The following CALM3 variants were observed in gnomAD, a reference collection of about 807,000 sequenced individuals.
CALM3 encodes the protein calmodulin 3.
CALM3 carries 5 observed loss-of-function variants against 20.1 expected under a neutral mutation model. The ratio of observed to expected loss-of-function variants is 0.25; its 90% CI spans 0.13 to 0.52. CALM3 has a LOEUF of 0.52. CALM3 is among the 20% of genes least tolerant of loss of function. CALM3 has a pLI of 0.96. For missense variants in CALM3, 57 were observed against 192.8 expected, an observed-to-expected ratio of 0.30 and a Z score of 4.17; for synonymous variants, 69 against 68.1, an observed-to-expected ratio of 1.01 and a Z score of -0.06.
Position 46,608,604 on chromosome 19 carries a change from C to T in CALM3, c.285+16C>T, listed in dbSNP as rs745946522. 2 of 1,584,952 alleles carry T rather than the reference C, an allele frequency of 1.3e-6. No individual in the cohort carries two copies. The highest frequency in any genetic ancestry group is 1.7e-6 in the Non-Finnish European group (2 of 1,153,572). On this transcript the variant is annotated intron_variant, in intron 4 of 5. Transcript: ENST00000291295. The surrounding 1 kb of genome is among the most constrained non-coding windows in gnomAD (Gnocchi z 5.5). ...CTTTGACAAGGTAAGCAGCCCTCTC[C>T]AGGGGCGGCTCTGAGACTGACGCCA...
chr19:46,603,461 C>G (rs1971676807), intron 1 of CALM3, among the ~76,000 whole-genome samples: 1 of 152,190 alleles, frequency 6.6e-6, no homozygotes, highest in Non-Finnish European at 1.5e-5. Flanking sequence ...CTGATCTCAT[C>G]TAACACTGCT....
chr19:46,605,695 A>G lies in CALM3; in HGVS notation c.4-132A>G. On this transcript the variant is annotated intron_variant, in intron 1 of 5. Transcript: ENST00000291295. The surrounding 1 kb of genome is among the most constrained non-coding windows in gnomAD (Gnocchi z 4.1). ...CTCTGCCTCAGACCCTGACTCTGGC[A>G]TGCTCCTCCCTGGCCCGGCGGGAAT... 1.3e-6 allele frequency: 1 copy of G among 787,232 alleles called. No individual in the cohort carries two copies. Among genetic ancestry groups the G allele is most frequent in the South Asian group, 1.5e-5 (1 of 65,740 alleles). The allele number at this position is 787,232 out of a possible 1,614,324, so 48.8% of individuals were successfully genotyped here.
chr19:46,605,997 G>C lies in CALM3; in HGVS notation c.34+140G>C. 1 of 745,310 alleles carries C rather than the reference G, an allele frequency of 1.3e-6. No homozygotes were observed. The highest frequency in any genetic ancestry group is 2.1e-5 in the Admixed American group (1 of 48,184). The allele number at this position is 745,310 out of a possible 1,614,324, so 46.2% of individuals were successfully genotyped here. A position where few individuals can be genotyped will look rare whatever the true frequency, so the allele number is the denominator to read the frequency against. ...TAACACTATGCCTTGTGCCTAGAATGCTGATAAATGTGTGTAAGAGCACAC... is the reference window on the plus strand; with the variant it reads ...TAACACTATGCCTTGTGCCTAGAATCCTGATAAATGTGTGTAAGAGCACAC... On this transcript the variant is annotated intron_variant, in intron 2 of 5. Transcript: ENST00000291295. The surrounding 1 kb of genome is among the most constrained non-coding windows in gnomAD (Gnocchi z 4.1).
chr19:46,610,606 G>A lies in CALM3; in HGVS notation c.*1453G>A, dbSNP rs1341026625. On this transcript the variant is annotated 3_prime_UTR_variant, in exon 6 of 6. Transcript: ENST00000291295. ...CCAGCCTCTGAGGGAAGGAGGGATGGGGCATAGTGGGAGACCCAGCCAAGA... is the reference window on the plus strand; with the variant it reads ...CCAGCCTCTGAGGGAAGGAGGGATGAGGCATAGTGGGAGACCCAGCCAAGA... 1 of 152,454 alleles carries A rather than the reference G, an allele frequency of 6.6e-6. No homozygotes were observed. Among genetic ancestry groups the A allele is most frequent in the Admixed American group, 6.6e-5 (1 of 15,260 alleles). 9.4% of individuals were successfully genotyped at this position (152,454 alleles called of 1,614,324 possible). A position where few individuals can be genotyped will look rare whatever the true frequency, so the allele number is the denominator to read the frequency against.
In CALM3 at chr19:46,601,680, G is replaced by C. The variant is rs1208479311; in HGVS notation, c.3+243G>C. Among the ~76,000 whole-genome samples, 1 of 152,240 alleles carries C rather than the reference G, an allele frequency of 6.6e-6. No homozygotes were observed. Among genetic ancestry groups the C allele is most frequent in the Non-Finnish European group, 1.5e-5 (1 of 68,038 alleles). ...TGTTTAAGTCCACAAATGGGTATCT[G>C]AGCCCCTAAAGGGGACATTTGAACC... On this transcript the variant is annotated intron_variant, in intron 1 of 5. Coordinates refer to ENST00000291295, the MANE Select transcript of CALM3 (RefSeq NM_005184.4). This position sits in a 1 kb window ranked among gnomAD's most constrained non-coding sequence, Gnocchi z 4.2.
chr19:46,604,136 T>C (rs1397973842), intron 1 of CALM3, among the ~76,000 whole-genome samples: 1 of 152,122 alleles, frequency 6.6e-6, no homozygotes, highest in Non-Finnish European at 1.5e-5. Context: ...CTCTCTGTTC[T>C]TTCCCTGACC....
In CALM3 at chr19:46,605,813, T is replaced by C; in HGVS notation, c.4-14T>C. 1 of 1,613,976 alleles carries C rather than the reference T, an allele frequency of 6.2e-7. No individual in the cohort carries two copies. The highest frequency in any genetic ancestry group is 8.5e-7 in the Non-Finnish European group (1 of 1,179,856). On this transcript the variant is annotated splice_polypyrimidine_tract_variant and intron_variant, in intron 1 of 5. Transcript: ENST00000291295. This position sits in a 1 kb window ranked among gnomAD's most constrained non-coding sequence, Gnocchi z 4.1. ...CCGGCCTGGTGACTGACTTTCCCCT[T>C]CATGCTTTTACAGGCTGACCAGCTG...
Position 46,605,987 on chromosome 19 carries a change from TG to T in CALM3, c.34+131del. Reference sequence around the variant, plus strand: ...TTGTGTCACCTAACACTATGCCTTGTGCCTAGAATGCTGATAAATGTGTGTA... The same window carrying T: ...TTGTGTCACCTAACACTATGCCTTGTCCTAGAATGCTGATAAATGTGTGTA... On this transcript the variant is annotated intron_variant, in intron 2 of 5. Transcript: ENST00000291295. This position sits in a 1 kb window ranked among gnomAD's most constrained non-coding sequence, Gnocchi z 4.1. The T allele has an allele frequency of 2.5e-6, 2 of 792,024 alleles. No individual in the cohort carries two copies. The highest frequency in any genetic ancestry group is 2.2e-6 in the Non-Finnish European group (1 of 464,858). 49.1% of individuals were successfully genotyped at this position (792,024 alleles called of 1,614,324 possible).
intron 1 of CALM3, among the ~76,000 whole-genome samples, chr19:46,603,921 G>A (rs779953501): frequency 6.6e-6 from 1 of 152,122 alleles, no homozygotes; most frequent in African/African-American, 2.4e-5. Context: ...AGAGCCGCTC[G>A]GGGCAGTCTG....
rs923285138 is a variant in CALM3, at chr19:46,609,474, G to C, written c.*321G>C. On this transcript the variant is annotated 3_prime_UTR_variant, in exon 6 of 6. Coordinates refer to ENST00000291295, the MANE Select transcript of CALM3 (RefSeq NM_005184.4). ...GCCTCTGCCCTCCTCCAGCCCGGATGGCTCTCCTCCATTTTGGTTTGTTTC... is the reference window on the plus strand; with the variant it reads ...GCCTCTGCCCTCCTCCAGCCCGGATCGCTCTCCTCCATTTTGGTTTGTTTC... 6 of 430,214 alleles carry C rather than the reference G, an allele frequency of 1.4e-5. No homozygotes were observed. Among genetic ancestry groups the C allele is most frequent in the African/African-American group, 1.2e-4 (6 of 49,532 alleles). The allele number at this position is 430,214 out of a possible 1,614,324, so 26.6% of individuals were successfully genotyped here.
Position 46,601,502 on chromosome 19 carries a change from C to T in CALM3, c.3+65C>T. On this transcript the variant is annotated intron_variant, in intron 1 of 5. Coordinates refer to ENST00000291295, the MANE Select transcript of CALM3 (RefSeq NM_005184.4). The surrounding 1 kb of genome is among the most constrained non-coding windows in gnomAD (Gnocchi z 4.2). ...AGGCGGGCTTAACGGGGCAGGACCC[C>T]TGAGGGGGCGACAGAGCCCAGAGTG... 1 of 1,362,730 alleles carries T rather than the reference C, an allele frequency of 7.3e-7. No individual in the cohort carries two copies. The highest frequency in any genetic ancestry group is 9.5e-7 in the Non-Finnish European group (1 of 1,048,192). The allele number at this position is 1,362,730 out of a possible 1,614,324, so 84.4% of individuals were successfully genotyped here. A position where few individuals can be genotyped will look rare whatever the true frequency, so the allele number is the denominator to read the frequency against.
Position 46,608,188 on chromosome 19 carries a change from T to A in CALM3, c.35-9T>A. 1 of 1,612,616 alleles carries A rather than the reference T, an allele frequency of 6.2e-7. No homozygotes were observed. The highest frequency in any genetic ancestry group is 1.1e-5 in the South Asian group (1 of 90,996). On this transcript the variant is annotated splice_polypyrimidine_tract_variant and intron_variant, in intron 2 of 5. Coordinates refer to ENST00000291295, the MANE Select transcript of CALM3 (RefSeq NM_005184.4). This position sits in a 1 kb window ranked among gnomAD's most constrained non-coding sequence, Gnocchi z 5.5. ...TGTGACCTCTGACTCCTCCCCCTTC[T>A]TCCCCCAGAGTTCAAGGAGGCCTTC...
intron 1 of CALM3, chr19:46,602,637 C>G: frequency 5.2e-6 from 1 of 192,728 alleles, no homozygotes; most frequent in South Asian, 7.2e-5. Flanking sequence ...GCAGTGGGAG[C>G]AGGTGGGCGG....
chr19:46,606,374 G>C (rs1008226567), intron 2 of CALM3: 1 of 153,938 alleles, frequency 6.5e-6, no homozygotes, highest in Non-Finnish European at 1.4e-5. Context: ...GCTCCTTCCC[G>C]TCCCTTAGCT....
chr19:46,602,235 CG>C, intron 1 of CALM3: 1 of 1,346,026 alleles, frequency 7.4e-7, no homozygotes, highest in Non-Finnish European at 9.9e-7. Context: ...CGCCAGTAGT[CG>C]GGGGACAGGG....
intron 2 of CALM3, among the ~76,000 whole-genome samples, chr19:46,607,784 C>T (rs1266232186): frequency 1.3e-5 from 2 of 152,258 alleles, no homozygotes; most frequent in African/African-American, 2.4e-5. Context: ...CCCAGCCAGC[C>T]AACCCTGGCT....
At position 46,605,707 on chromosome 19, in the gene CALM3, G is replaced by T. The variant is rs553765441; in HGVS notation, c.4-120G>T. The T allele has an allele frequency of 1.3e-5, 12 of 903,708 alleles. 1 individual carries two copies. The South Asian group carries it at 1.5e-4, about 12-fold the overall frequency. 56.0% of individuals were successfully genotyped at this position (903,708 alleles called of 1,614,324 possible). ...CCCTGACTCTGGCATGCTCCTCCCT[G>T]GCCCGGCGGGAATGGCACGTGGAGC... On this transcript the variant is annotated intron_variant, in intron 1 of 5. Coordinates refer to ENST00000291295, the MANE Select transcript of CALM3 (RefSeq NM_005184.4). The surrounding 1 kb of genome is among the most constrained non-coding windows in gnomAD (Gnocchi z 4.1).
chr19:46,601,991 G>A lies in CALM3; in HGVS notation c.3+554G>A. On this transcript the variant is annotated intron_variant, in intron 1 of 5. Coordinates refer to ENST00000291295, the MANE Select transcript of CALM3 (RefSeq NM_005184.4). This position sits in a 1 kb window ranked among gnomAD's most constrained non-coding sequence, Gnocchi z 4.2. ...GGGCTCCTGTGGAGCAGAGGAGAGGGTCAAGGATGGGCGGTCACTTCTACA... is the reference window on the plus strand; with the variant it reads ...GGGCTCCTGTGGAGCAGAGGAGAGGATCAAGGATGGGCGGTCACTTCTACA... 1.2e-6 allele frequency: 1 copy of A among 824,110 alleles called. No homozygotes were observed. The highest frequency in any genetic ancestry group is 1.6e-5 in the South Asian group (1 of 62,406). 51.0% of individuals were successfully genotyped at this position (824,110 alleles called of 1,614,324 possible).
rs746703455 is a variant in CALM3, at chr19:46,609,183, T to A, written c.*30T>A. ...CCCCCGGGCAGCTGGCGATGCCCGT[T>A]CTCTTGATCTCTCTCTTCTCGCGCG... On this transcript the variant is annotated 3_prime_UTR_variant, in exon 6 of 6. Transcript: ENST00000291295. 2 of 1,609,432 alleles carry A rather than the reference T, an allele frequency of 1.2e-6. No homozygotes were observed. Among genetic ancestry groups the A allele is most frequent in the Admixed American group, 3.3e-5 (2 of 59,846 alleles).
Sources: allele counts gnomAD v4.1 joint callset (sites outside exome capture counted in the v4.1 genomes callset), GRCh38; gene constraint gnomAD v4.1.1; non-coding constraint Gnocchi (gnomAD v3.1); transcripts MANE v1.5; gene names NCBI Gene and HGNC (gene_info 2026-07-23, HGNC 2026-07-21).